The following MAGI2 variants were observed in gnomAD, a reference collection of about 807,000 sequenced individuals.
MAGI2 encodes membrane-associated guanylate kinase, WW and PDZ domain-containing protein 2.
In MAGI2, 35 loss-of-function variants were observed where a neutral mutation model predicts 133.3. The observed-to-expected ratio is 0.26, with a 90% confidence interval of 0.20 to 0.35. The LOEUF is 0.35. Ranked by LOEUF, MAGI2 falls within the 10% of genes least tolerant of loss-of-function variation. The pLI, the probability that MAGI2 is intolerant of heterozygous loss-of-function variation, is 1.00. For missense variants in MAGI2, 1,636 were observed against 1,863.4 expected, an observed-to-expected ratio of 0.88 and a Z score of 2.25; for synonymous variants, 729 against 710.6, an observed-to-expected ratio of 1.03 and a Z score of -0.41.
intron 1 of MAGI2, among the ~76,000 whole-genome samples, chr7:79,056,401 T>C (rs1333064287): frequency 6.6e-6 from 1 of 152,126 alleles, no homozygotes; most frequent in African/African-American, 2.4e-5. Flanking sequence ...AATAAGTTCA[T>C]AGGTCACAAT....
intron 2 of MAGI2, among the ~76,000 whole-genome samples, chr7:78,948,221 T>G (rs1801587753): frequency 6.6e-6 from 1 of 152,092 alleles, no homozygotes; most frequent in South Asian, 2.1e-4. Flanking sequence ...CTGAGTCACT[T>G]CATTTTACAT....
intron 1 of MAGI2, among the ~76,000 whole-genome samples, chr7:79,289,984 T>C (rs1388161330): frequency 6.6e-6 from 1 of 152,134 alleles, no homozygotes; most frequent in African/African-American, 2.4e-5. Context: ...TCTTCCCATT[T>C]TTTAAAGTGA....
At chr7:79,177,223 T>C (rs1826180247) in intron 1 of MAGI2, 1 of 152,076 alleles carries the variant, frequency 6.6e-6, no homozygotes, top group Non-Finnish European at 1.5e-5. Context: ...TCTTTTGTAC[T>C]ATATCGTTGA....
intron 21 of MAGI2, among the ~76,000 whole-genome samples, chr7:78,070,090 AAC>A (rs1341072854): frequency 6.4e-5 from 8 of 124,896 alleles, no homozygotes; most frequent in African/African-American, 5.9e-5. Flanking sequence ...GGTCACTATA[AAC>A]ACACACACAC....
At chr7:79,367,878 T>TATATATATATATATATATATATATTTA (rs1446885185) in intron 1 of MAGI2, among the ~76,000 whole-genome samples, 1 of 116,572 alleles carries the variant, frequency 8.6e-6, no homozygotes, top group South Asian at 2.9e-4. Context: ...TATATATATG[T>TATATATATATATATATATATATATTTA]CATTGACTGG....
intron 2 of MAGI2, among the ~76,000 whole-genome samples, chr7:78,686,429 G>T (rs1816323802): frequency 6.6e-6 from 1 of 152,016 alleles, no homozygotes; most frequent in Non-Finnish European, 1.5e-5. Context: ...ATATTAGCAG[G>T]GGAAACCGTT....
At chr7:78,401,433 C>T (rs1796850680) in intron 6 of MAGI2, among the ~76,000 whole-genome samples, 2 of 147,748 alleles carry the variant, frequency 1.4e-5, no homozygotes. Context: ...CATGTGAATT[C>T]TTCTCTCCCT....
chr7:78,699,634 C>T (rs1817866613), intron 2 of MAGI2, among the ~76,000 whole-genome samples: 1 of 152,146 alleles, frequency 6.6e-6, no homozygotes, highest in South Asian at 2.1e-4. Flanking sequence ...TTATTGGGTT[C>T]ATCCTTGCAT....
At chr7:79,002,798 C>T (rs1807012060) in intron 2 of MAGI2, among the ~76,000 whole-genome samples, 1 of 151,288 alleles carries the variant, frequency 6.6e-6, no homozygotes, top group South Asian at 2.1e-4. Context: ...TCAATATATG[C>T]CCAACAATTC....
chr7:78,199,134 T>C (rs1319298066), intron 11 of MAGI2, among the ~76,000 whole-genome samples: 1 of 152,204 alleles, frequency 6.6e-6, no homozygotes, highest in Non-Finnish European at 1.5e-5. Flanking sequence ...CACGTGGTCA[T>C]TTCTCAACAA....
chr7:78,237,880 C>T (rs66737469), intron 10 of MAGI2, among the ~76,000 whole-genome samples: 46,903 of 151,826 alleles, frequency 0.31, 8,532 homozygotes, highest in Non-Finnish European at 0.4. Context: ...CTAATATTGA[C>T]TTCTTGCCAA....
intron 14 of MAGI2, among the ~76,000 whole-genome samples, chr7:78,175,555 C>G (rs944300570): frequency 6.6e-6 from 1 of 152,172 alleles, no homozygotes; most frequent in Admixed American, 6.5e-5. Context: ...GGTGGGTGTT[C>G]TGTCTCAACA....
chr7:78,805,793 T>C (rs1048607604), intron 2 of MAGI2, among the ~76,000 whole-genome samples: 2 of 152,066 alleles, frequency 1.3e-5, no homozygotes, highest in African/African-American at 4.8e-5. Context: ...TTGTGAATAA[T>C]AGGGAACAGC....
At chr7:79,078,484 T>C (rs1305464649) in intron 1 of MAGI2, among the ~76,000 whole-genome samples, 1 of 152,176 alleles carries the variant, frequency 6.6e-6, no homozygotes, top group Non-Finnish European at 1.5e-5. Context: ...CAAAAGGCAC[T>C]GCTAAAATCC....
chr7:78,553,373 A>G (rs1799527700), intron 3 of MAGI2, among the ~76,000 whole-genome samples: 1 of 152,206 alleles, frequency 6.6e-6, no homozygotes, highest in African/African-American at 2.4e-5. Flanking sequence ...AAACTGTAAA[A>G]TGTTGCAGGT....
intron 6 of MAGI2, among the ~76,000 whole-genome samples, chr7:78,400,657 C>T (rs919096646): frequency 2.6e-5 from 4 of 152,202 alleles, no homozygotes; most frequent in African/African-American, 4.8e-5. Flanking sequence ...TGATGAGCAG[C>T]GTTAATTCTG....
At chr7:78,176,663 G>T (rs1182618476) in intron 14 of MAGI2, among the ~76,000 whole-genome samples, 2 of 151,904 alleles carry the variant, frequency 1.3e-5, no homozygotes, top group African/African-American at 4.8e-5. Context: ...GAAGATTTCT[G>T]CCCAGGTTTT....
chr7:78,588,347 C>T (rs1435862443), intron 3 of MAGI2, among the ~76,000 whole-genome samples: 1 of 152,212 alleles, frequency 6.6e-6, no homozygotes, highest in Admixed American at 6.5e-5. Context: ...CCCCAGGAGA[C>T]AATTTAATAT....
At chr7:79,208,027 A>G (rs2129552430) in intron 1 of MAGI2, among the ~76,000 whole-genome samples, 1 of 152,160 alleles carries the variant, frequency 6.6e-6, no homozygotes, top group African/African-American at 2.4e-5. Flanking sequence ...ACCATATACA[A>G]AAATCAACTA....
Sources: gnomAD v4.1 joint callset for allele counts (sites outside exome capture counted in the v4.1 genomes callset) on GRCh38, gnomAD v4.1.1 for gene constraint, MANE v1.5 for transcripts, NCBI Gene and HGNC (gene_info 2026-07-23, HGNC 2026-07-21) for gene names.